The following DGKG variants were observed in gnomAD, a reference collection of about 807,000 sequenced individuals.
DGKG encodes DAG kinase gamma.
Under a neutral mutation model 105.3 loss-of-function variants are expected in DGKG, and 78 were observed. The ratio of observed to expected loss-of-function variants is 0.74; its 90% CI spans 0.62 to 0.89. The LOEUF (loss-of-function observed/expected upper bound fraction) is 0.89. Ranked by LOEUF, DGKG falls within the 40% of genes least tolerant of loss-of-function variation. The probability of loss-of-function intolerance (pLI) is 0.00; values close to 1 mark genes in which losing one functional copy is unlikely to be tolerated. For synonymous variants in DGKG, 346 were observed against 367.1 expected, an observed-to-expected ratio of 0.94 and a Z score of 0.66; for missense variants, 958 against 1,020.1, an observed-to-expected ratio of 0.94 and a Z score of 0.83.
In DGKG at chr3:186,188,392, G is replaced by C. The variant is rs771858343; in HGVS notation, c.1918-13C>G. 19 of 1,613,070 alleles carry C rather than the reference G, an allele frequency of 1.2e-5. No individual in the cohort carries two copies. The highest frequency in any genetic ancestry group is 1.6e-5 in the Non-Finnish European group (19 of 1,179,726). On this transcript the variant is annotated splice_polypyrimidine_tract_variant and intron_variant, in intron 21 of 24. Coordinates refer to ENST00000265022, the MANE Select transcript of DGKG (RefSeq NM_001346.3). ...CAACCCCATCACACTGGAGGACGGA[G>C]AGAAAAGGCCATCTGTTAGTGTCCT...
In DGKG at chr3:186,327,393, T is replaced by C. The variant is rs1016592770; in HGVS notation, c.-248-6686A>G. Among the ~76,000 whole-genome samples the C allele has an allele frequency of 4.0e-5, 6 of 149,262 alleles. No individual in the cohort carries two copies. In the East Asian group the frequency reaches 5.8e-4, roughly 14 times the overall value. On this transcript the variant is annotated intron_variant, in intron 1 of 24. Transcript: ENST00000265022. ...CCTCCTTATTCTTTTTCTTCTTCTT[T>C]TTTTTTTTTTTGAGGCGTGGTTTCT... is the stretch of plus-strand genomic sequence containing the variant.
At position 186,149,153 on chromosome 3, in the gene DGKG, GC is replaced by G. The variant is rs1232309032; in HGVS notation, c.*936del. On this transcript the variant is annotated 3_prime_UTR_variant, in exon 25 of 25. Transcript: ENST00000265022. ...AAGTTCCTTCCTTCCCATCTTTTCT[GC>G]CTTCAGGAATAGTCTGCCACCAGGG... 1.0e-6 allele frequency: 1 copy of G among 984,774 alleles called. No individual in the cohort carries two copies. The allele number at this position is 984,774 out of a possible 1,614,324, so 61.0% of individuals were successfully genotyped here. A position where few individuals can be genotyped will look rare whatever the true frequency, so the allele number is the denominator to read the frequency against.
At chr3:186,301,576 G>A (rs983888692) in intron 3 of DGKG, among the ~76,000 whole-genome samples, 3 of 152,206 alleles carry the variant, frequency 2.0e-5, no homozygotes, top group African/African-American at 4.8e-5. Flanking sequence ...GCAGTGAGCC[G>A]AGATGGCACC....
chr3:186,233,148 C>G (rs1720234747), intron 20 of DGKG, among the ~76,000 whole-genome samples: 1 of 152,048 alleles, frequency 6.6e-6, no homozygotes, highest in South Asian at 2.1e-4. Context: ...TTTAAGTTGC[C>G]AGTCAATTGA....
rs567543514 is a variant in DGKG, at chr3:186,149,029, C to T, written c.*1061G>A. On this transcript the variant is annotated 3_prime_UTR_variant, in exon 25 of 25. Transcript: ENST00000265022. ...ACACGCACACACACACACACACGCG[C>T]GCACACACGTTAAGACCATCAGAAG... 41 of 982,204 alleles carry T rather than the reference C, an allele frequency of 4.2e-5. No homozygotes were observed. The highest frequency in any genetic ancestry group is 3.5e-5 in the African/African-American group (2 of 56,740). 60.8% of individuals were successfully genotyped at this position (982,204 alleles called of 1,614,324 possible). A position where few individuals can be genotyped will look rare whatever the true frequency, so the allele number is the denominator to read the frequency against.
At chr3:186,257,035 G>A (rs781232817) in intron 17 of DGKG, among the ~76,000 whole-genome samples, 1 of 152,196 alleles carries the variant, frequency 6.6e-6, no homozygotes, top group Non-Finnish European at 1.5e-5. Flanking sequence ...TATCTCCAGT[G>A]CCTTGGGGAG....
intron 1 of DGKG, among the ~76,000 whole-genome samples, chr3:186,332,680 A>T (rs1461974376): frequency 6.6e-6 from 1 of 152,176 alleles, no homozygotes; most frequent in Non-Finnish European, 1.5e-5. Flanking sequence ...ATATTAACAC[A>T]TGCTTCCCAA....
At chr3:186,190,507 C>G (rs749306546) in intron 21 of DGKG, among the ~76,000 whole-genome samples, 9 of 152,138 alleles carry the variant, frequency 5.9e-5, no homozygotes, top group East Asian at 1.9e-4. Context: ...TATCATTATC[C>G]TTATCCTTAT....
intron 20 of DGKG, among the ~76,000 whole-genome samples, chr3:186,212,667 TC>T (rs1262468471): frequency 6.6e-6 from 1 of 152,078 alleles, no homozygotes; most frequent in Non-Finnish European, 1.5e-5. Flanking sequence ...CTTTGCAAAG[TC>T]AGATGGTGTG....
At chr3:186,264,648 T>C (rs1196695764) in intron 14 of DGKG, among the ~76,000 whole-genome samples, 1 of 152,234 alleles carries the variant, frequency 6.6e-6, no homozygotes, top group Non-Finnish European at 1.5e-5. Context: ...GGGATTACTG[T>C]GTCTCCTTTG....
intron 5 of DGKG, among the ~76,000 whole-genome samples, chr3:186,293,433 A>G (rs2108608485): frequency 6.6e-6 from 1 of 152,326 alleles, no homozygotes. Context: ...TCAATATTCC[A>G]AGTCGCTGAA....
At chr3:186,274,011 T>G (rs1462088794) in intron 10 of DGKG, among the ~76,000 whole-genome samples, 1 of 152,154 alleles carries the variant, frequency 6.6e-6, no homozygotes, top group Non-Finnish European at 1.5e-5. Flanking sequence ...CTTATCACTC[T>G]TTTCCCCCAT....
intron 19 of DGKG, among the ~76,000 whole-genome samples, 174 bp downstream of exon 19, chr3:186,251,585 G>T (rs1721229090): frequency 6.6e-6 from 1 of 152,174 alleles, no homozygotes; most frequent in Non-Finnish European, 1.5e-5. Flanking sequence ...TAAAGCGGGG[G>T]TGCAATCAGG....
intron 1 of DGKG, among the ~76,000 whole-genome samples, chr3:186,334,369 A>T (rs1725733089): frequency 6.6e-6 from 1 of 152,108 alleles, no homozygotes; most frequent in African/African-American, 2.4e-5. Context: ...TGGAGGGTGG[A>T]TTTACTGGTT....
intron 22 of DGKG, among the ~76,000 whole-genome samples, chr3:186,176,923 G>A (rs752460949): frequency 9.2e-5 from 14 of 152,342 alleles, no homozygotes; most frequent in Admixed American, 1.3e-4. Flanking sequence ...AGGTTTGGGC[G>A]TGGAGGCAGG....
chr3:186,329,746 G>C (rs1725513537), intron 1 of DGKG, among the ~76,000 whole-genome samples: 1 of 152,190 alleles, frequency 6.6e-6, no homozygotes, highest in Non-Finnish European at 1.5e-5. Context: ...CTCTTATGCA[G>C]GCTTTGGAGT....
intron 1 of DGKG, among the ~76,000 whole-genome samples, chr3:186,358,594 A>T (rs1727088737): frequency 6.6e-6 from 1 of 151,200 alleles, no homozygotes; most frequent in South Asian, 2.1e-4. Flanking sequence ...CATTTTTTTT[A>T]AATGATGGGT....
intron 21 of DGKG, among the ~76,000 whole-genome samples, chr3:186,198,608 T>C (rs1718296912): frequency 6.6e-6 from 1 of 152,234 alleles, no homozygotes; most frequent in Non-Finnish European, 1.5e-5. Context: ...TTGTGTTCCA[T>C]GGTGGTGTCA....
chr3:186,202,805 C>A (rs1242838527), intron 21 of DGKG, among the ~76,000 whole-genome samples: 2 of 152,138 alleles, frequency 1.3e-5, no homozygotes, highest in African/African-American at 4.8e-5. Flanking sequence ...TTTCTTGGGC[C>A]CCATCTATTA....
Sources: gnomAD v4.1 joint callset for allele counts (sites outside exome capture counted in the v4.1 genomes callset) on GRCh38, gnomAD v4.1.1 for gene constraint, MANE v1.5 for transcripts, NCBI Gene and HGNC (gene_info 2026-07-23, HGNC 2026-07-21) for gene names.